Variants in ARHGEF28 observed in about 807,000 individuals in gnomAD.
The protein encoded by ARHGEF28 is Rho guanine nucleotide exchange factor 28, also known as 190 kDa guanine nucleotide exchange factor.
In ARHGEF28, 152 loss-of-function variants were observed where a neutral mutation model predicts 206.6. That is an observed-to-expected ratio of 0.74 (90% CI 0.64 to 0.84). The LOEUF is 0.84. ARHGEF28 is among the 40% of genes least tolerant of loss of function. The pLI is 0.00. For synonymous variants in ARHGEF28, 763 were observed against 776.4 expected, an observed-to-expected ratio of 0.98 and a Z score of 0.29; for missense variants, 2,028 against 2,073.2, an observed-to-expected ratio of 0.98 and a Z score of 0.42.
intron 1 of ARHGEF28, among the ~76,000 whole-genome samples, chr5:73,633,688 CG>C (rs1561298460): frequency 1.3e-5 from 2 of 151,076 alleles, no homozygotes; most frequent in Admixed American, 1.3e-4. Context: ...GCAATTCTCC[CG>C]TCTCAGCCTC....
At chr5:73,762,003 T>A (rs1752627079) in intron 4 of ARHGEF28, among the ~76,000 whole-genome samples, 1 of 151,480 alleles carries the variant, frequency 6.6e-6, no homozygotes, top group South Asian at 2.1e-4. Flanking sequence ...GGTAATTTTT[T>A]TTTTTTTTTT....
At chr5:73,637,297 G>A (rs901111307) in intron 1 of ARHGEF28, among the ~76,000 whole-genome samples, 4 of 151,548 alleles carry the variant, frequency 2.6e-5, no homozygotes, top group Admixed American at 6.6e-5. Flanking sequence ...CCCTAACCCC[G>A]CTCCCATCTT....
intron 4 of ARHGEF28, 37 bp from the exon 5 acceptor site, chr5:73,773,818 G>A: frequency 6.6e-7 from 1 of 1,503,816 alleles, no homozygotes; most frequent in Non-Finnish European, 8.9e-7. Flanking sequence ...CTTTGTAAAT[G>A]GAGGAACTAA....
rs1267100723 is a variant in ARHGEF28 at position 73,909,743 on chromosome 5, A to G, written c.4493A>G (p.Gln1498Arg). Residue 1498 changes from glutamine (Q) to arginine (R), a missense_variant, in exon 34 of 36, where the codon CAG (glutamine) becomes CGG (arginine). Physicochemically the swap from Gln to Arg is conservative, Grantham distance 43 (BLOSUM62 1). Coordinates refer to ENST00000513042, the MANE Select transcript of ARHGEF28 (RefSeq NM_001177693.2). ...RSRGELDLQL[Q>R]EYQHSLERLR... ...CGGGGCGAGCTGGACCTCCAGCTCC[A>G]GGAGTACCAGCACAGCCTGGAGCGG... 8 of 1,515,406 alleles carry G rather than the reference A, an allele frequency of 5.3e-6. No homozygotes were observed. In the East Asian group the frequency reaches 1.7e-4, roughly 33 times the overall value. The allele number at this position is 1,515,406 out of a possible 1,614,324, so 93.9% of individuals were successfully genotyped here.
intron 9 of ARHGEF28, among the ~76,000 whole-genome samples, chr5:73,807,030 T>G (rs1755548506): frequency 7.1e-6 from 1 of 141,124 alleles, no homozygotes; most frequent in African/African-American, 2.5e-5. Flanking sequence ...CTATGGCATG[T>G]AAGAGGTTTT....
chr5:73,867,962 G>A lies in ARHGEF28; in HGVS notation c.2239G>A (p.Glu747Lys), dbSNP rs373819611. The change falls in exon 19 of 36, where the codon GAG becomes AAG. Residue 747 changes from glutamate to lysine, a missense_variant. Physicochemically the swap from Glu to Lys is moderately conservative, Grantham distance 56. Around this residue, in one of 3 missense-constraint regions of ARHGEF28, gnomAD observed 1,002 missense variants for 1,015.3 expected, o/e 0.99. Coordinates refer to ENST00000513042, the MANE Select transcript of ARHGEF28 (RefSeq NM_001177693.2). Reference protein sequence around the residue: ...VPVGLPTGRRETVGQVHPLSR... With the variant: ...VPVGLPTGRRKTVGQVHPLSR... Reference sequence around the variant, plus strand: ...TGTTGGATTGCCGACTGGAAGGAGGGAGACTGTGGGACAGGTCCATCCATT... The same window carrying A: ...TGTTGGATTGCCGACTGGAAGGAGGAAGACTGTGGGACAGGTCCATCCATT... The A allele has an allele frequency of 3.7e-6, 6 of 1,613,872 alleles. No homozygotes were observed. Among genetic ancestry groups the A allele is most frequent in the Middle Eastern group, 1.6e-4 (1 of 6,084 alleles).
At chr5:73,628,591 T>C (rs1252556570) in intron 1 of ARHGEF28, among the ~76,000 whole-genome samples, 1 of 152,210 alleles carries the variant, frequency 6.6e-6, no homozygotes, top group African/African-American at 2.4e-5. Flanking sequence ...AGAGTAGCTC[T>C]GGGATCCCCC....
chr5:73,828,682 T>G (rs1757077377), intron 9 of ARHGEF28, among the ~76,000 whole-genome samples: 1 of 151,786 alleles, frequency 6.6e-6, no homozygotes, highest in Non-Finnish European at 1.5e-5. Flanking sequence ...TTTCCTTTCT[T>G]TCTCTTTCTC....
intron 9 of ARHGEF28, among the ~76,000 whole-genome samples, chr5:73,827,169 T>G (rs1414198391): frequency 6.6e-6 from 1 of 152,236 alleles, no homozygotes; most frequent in Non-Finnish European, 1.5e-5. Flanking sequence ...CTTCACATTT[T>G]ATGTTTTTCA....
chr5:73,670,076 G>A (rs753266979), intron 1 of ARHGEF28, among the ~76,000 whole-genome samples: 1 of 152,186 alleles, frequency 6.6e-6, no homozygotes, highest in Non-Finnish European at 1.5e-5. Flanking sequence ...CCACAGCCAA[G>A]ATACTGAACA....
chr5:73,929,311 G>A (rs567040829), intron 35 of ARHGEF28, among the ~76,000 whole-genome samples: 8 of 152,070 alleles, frequency 5.3e-5, no homozygotes, highest in East Asian at 1.9e-4. Flanking sequence ...ATTTTGAAGC[G>A]GATCTTAAAC....
intron 21 of ARHGEF28, among the ~76,000 whole-genome samples, chr5:73,870,641 C>T (rs994214861): frequency 1.3e-5 from 2 of 152,162 alleles, no homozygotes; most frequent in African/African-American, 4.8e-5. Context: ...TGGCTGCATA[C>T]ACCAGCCATT....
intron 9 of ARHGEF28, among the ~76,000 whole-genome samples, chr5:73,814,275 G>T (rs61491224): frequency 0.075 from 11,448 of 152,142 alleles, 757 homozygotes; most frequent in African/African-American, 0.17. Context: ...TAAAAATAAT[G>T]ATCAAGTAAG....
At chr5:73,725,803 A>G (rs932819139) in intron 2 of ARHGEF28, among the ~76,000 whole-genome samples, 1 of 152,194 alleles carries the variant, frequency 6.6e-6, no homozygotes, top group Non-Finnish European at 1.5e-5. Context: ...TAGGCTCATG[A>G]CATTTGACTG....
rs1284171140 is a variant in ARHGEF28 at position 73,883,747 on chromosome 5, A to G, written c.2938-20A>G. 2.7e-6 allele frequency: 4 copies of G among 1,479,362 alleles called. No homozygotes were observed. The highest frequency in any genetic ancestry group is 5.0e-5 in the East Asian group (2 of 40,118). The allele number at this position is 1,479,362 out of a possible 1,614,324, so 91.6% of individuals were successfully genotyped here. On this transcript the variant is annotated intron_variant, in intron 23 of 35. Coordinates refer to ENST00000513042, the MANE Select transcript of ARHGEF28 (RefSeq NM_001177693.2). ...AAATACAGGTAGAATTTGTGTACATAAAAGTATATATTTTTTAAGCTCCGA... is the reference window on the plus strand; with the variant it reads ...AAATACAGGTAGAATTTGTGTACATGAAAGTATATATTTTTTAAGCTCCGA...
At chr5:73,808,629 A>C (rs1007341948) in intron 9 of ARHGEF28, among the ~76,000 whole-genome samples, 2 of 152,188 alleles carry the variant, frequency 1.3e-5, no homozygotes, top group African/African-American at 4.8e-5. Flanking sequence ...GCATATGATG[A>C]AGCATATATT....
intron 9 of ARHGEF28, among the ~76,000 whole-genome samples, chr5:73,802,520 T>C (rs1342976493): frequency 1.3e-5 from 2 of 152,222 alleles, no homozygotes. Flanking sequence ...AATAAGATCC[T>C]TGACCCCAAA....
intron 23 of ARHGEF28, 102 bp downstream of exon 23, chr5:73,882,696 T>TAAA: frequency 9.0e-7 from 1 of 1,108,424 alleles, no homozygotes; most frequent in Non-Finnish European, 1.2e-6. Flanking sequence ...CTAATGATGC[T>TAAA]TTTCAGGGGA....
chr5:73,812,757 A>G (rs1277750914), intron 9 of ARHGEF28, among the ~76,000 whole-genome samples: 1 of 152,176 alleles, frequency 6.6e-6, no homozygotes, highest in African/African-American at 2.4e-5. Context: ...CGGAGCTATA[A>G]AGGCACCAAA....
Sources: gnomAD v4.1 joint callset for allele counts (sites outside exome capture counted in the v4.1 genomes callset) on GRCh38, gnomAD v4.1.1 for gene constraint, gnomAD v4.1.1 regional missense constraint, MANE v1.5 for transcripts, NCBI Gene and HGNC (gene_info 2026-07-23, HGNC 2026-07-21) for gene names.